GALNT8: variants seen among roughly 807,000 people sequenced by gnomAD.
GALNT8 encodes probable polypeptide N-acetylgalactosaminyltransferase 8.
GALNT8 carries 66 observed loss-of-function variants against 62.7 expected under a neutral mutation model. That is an observed-to-expected ratio of 1.05 (90% confidence interval 0.86 to 1.29). The LOEUF is 1.29. GALNT8 is among the 50% of genes most tolerant of loss of function. The pLI is 0.00. For missense variants in GALNT8, 771 were observed against 791.8 expected, an observed-to-expected ratio of 0.97 and a Z score of 0.32; for synonymous variants, 288 against 294.3, an observed-to-expected ratio of 0.98 and a Z score of 0.22.
At chr12:4,736,004 A>G (rs1452121469) in intron 2 of GALNT8, among the ~76,000 whole-genome samples, 1 of 152,206 alleles carries the variant, frequency 6.6e-6, no homozygotes, top group Non-Finnish European at 1.5e-5. Context: ...GCTCCATAAT[A>G]CTAGTAGCAA....
intron 5 of GALNT8, 107 bp from the exon 6 acceptor site, chr12:4,746,037 A>G (rs926837485): frequency 6.0e-6 from 4 of 667,446 alleles, no homozygotes; most frequent in Middle Eastern, 4.0e-4. Context: ...CTTCATGATA[A>G]GAACAGACTT....
intron 2 of GALNT8, among the ~76,000 whole-genome samples, chr12:4,736,583 AAGAAG>A (rs1352181109): frequency 4.1e-4 from 63 of 151,878 alleles, no homozygotes; most frequent in African/African-American, 1.5e-3. Flanking sequence ...AGAGAAAAAC[AAGAAG>A]AGAAAAGAAA....
intron 2 of GALNT8, among the ~76,000 whole-genome samples, chr12:4,731,896 G>A (rs4766284): frequency 0.78 from 119,152 of 152,036 alleles, 47,067 homozygotes; most frequent in Non-Finnish European, 0.82. Flanking sequence ...AGGACCACCT[G>A]CACAATTTGC....
Position 4,765,530 on chromosome 12 carries a change from A to G in GALNT8, c.1745A>G (p.Tyr582Cys), listed in dbSNP as rs924103907. 6 of 1,600,432 alleles carry G rather than the reference A, an allele frequency of 3.7e-6. No homozygotes were observed. Among genetic ancestry groups the G allele is most frequent in the Non-Finnish European group, 5.1e-6 (6 of 1,176,272 alleles). The change falls in exon 10 of 11, where the codon TAT becomes TGT. Residue 582 changes from tyrosine (Y) to cysteine (C), a missense_variant. Transcript: ENST00000252318. ...SKAAKNRLHI[Y>C]WDFKPGGAVI... ...GCAGCTAAGAATAGACTGCATATAT[A>G]TTGGGATTTTAAACCGGTGAGTTAT...
chr12:4,720,459 G>T lies in GALNT8; in HGVS notation c.-219G>T, dbSNP rs764646119. On this transcript the variant is annotated 5_prime_UTR_variant, in exon 1 of 11. Coordinates refer to ENST00000252318, the MANE Select transcript of GALNT8 (RefSeq NM_017417.2). ...AGCAACCTGTGGAAAGCCGCTGAGCGGTTATCCTCTCGGGGCATAAAGACA... is the reference window on the plus strand; with the variant it reads ...AGCAACCTGTGGAAAGCCGCTGAGCTGTTATCCTCTCGGGGCATAAAGACA... 6 of 554,852 alleles carry T rather than the reference G, an allele frequency of 1.1e-5. No homozygotes were observed. Among genetic ancestry groups the T allele is most frequent in the East Asian group, 9.0e-5 (3 of 33,310 alleles). 34.4% of individuals were successfully genotyped at this position (554,852 alleles called of 1,614,324 possible). A position where few individuals can be genotyped will look rare whatever the true frequency, so the allele number is the denominator to read the frequency against.
intron 2 of GALNT8, among the ~76,000 whole-genome samples, chr12:4,727,957 G>A (rs1358513380): frequency 1.3e-5 from 2 of 152,116 alleles, no homozygotes; most frequent in African/African-American, 4.8e-5. Flanking sequence ...TTTCCAAAGT[G>A]ACTCCATCAT....
At chr12:4,753,600 G>C (rs978960636) in intron 6 of GALNT8, among the ~76,000 whole-genome samples, 1 of 152,062 alleles carries the variant, frequency 6.6e-6, no homozygotes, top group Non-Finnish European at 1.5e-5. Flanking sequence ...GAATTTCTTT[G>C]AGTTTCCTCA....
chr12:4,763,886 T>TG (rs1946385284), intron 8 of GALNT8, 66 bp from the exon 9 acceptor site: 3 of 851,110 alleles, frequency 3.5e-6, no homozygotes, highest in Non-Finnish European at 2.1e-6. Flanking sequence ...ATGTAGGCCC[T>TG]GGGAGGGATG....
intron 10 of GALNT8, among the ~76,000 whole-genome samples, chr12:4,771,946 C>T (rs1171891671): frequency 3.3e-5 from 5 of 152,288 alleles, no homozygotes; most frequent in South Asian, 2.1e-4. Context: ...TAAACCTTAG[C>T]GAAGTCCCCT....
intron 2 of GALNT8, among the ~76,000 whole-genome samples, chr12:4,738,801 A>G (rs891014135): frequency 6.6e-6 from 1 of 152,138 alleles, no homozygotes; most frequent in Non-Finnish European, 1.5e-5. Context: ...GTCAAAGGTG[A>G]CTGGGGTCTG....
chr12:4,768,668 T>C (rs1334987138), intron 10 of GALNT8, among the ~76,000 whole-genome samples: 2 of 152,192 alleles, frequency 1.3e-5, no homozygotes, highest in African/African-American at 2.4e-5. Flanking sequence ...ACCACAAAAA[T>C]TGAAAAGGGA....
chr12:4,758,903 G>C (rs1295685007), intron 6 of GALNT8, among the ~76,000 whole-genome samples: 1 of 151,840 alleles, frequency 6.6e-6, no homozygotes, highest in Non-Finnish European at 1.5e-5. Context: ...CAGCTCCTGA[G>C]TAGCTGGAAT....
intron 6 of GALNT8, among the ~76,000 whole-genome samples, chr12:4,752,058 T>C (rs544983234): frequency 1.3e-5 from 2 of 152,278 alleles, no homozygotes; most frequent in East Asian, 1.9e-4. Flanking sequence ...TTGCCTGATA[T>C]AAATATAGCT....
chr12:4,739,721 G>A (rs1156773239), intron 3 of GALNT8, among the ~76,000 whole-genome samples: 1 of 150,382 alleles, frequency 6.6e-6, no homozygotes, highest in East Asian at 2.0e-4. Context: ...CTAGAGTGCA[G>A]TGGTGGGATC....
chr12:4,758,574 A>G (rs1380592951), intron 6 of GALNT8, among the ~76,000 whole-genome samples: 2 of 149,772 alleles, frequency 1.3e-5, no homozygotes, highest in Admixed American at 1.3e-4. Flanking sequence ...GGCACAAAGT[A>G]ATATATTATT....
At chr12:4,738,009 G>C (rs1946253346) in intron 2 of GALNT8, among the ~76,000 whole-genome samples, 1 of 152,172 alleles carries the variant, frequency 6.6e-6, no homozygotes, top group Non-Finnish European at 1.5e-5. Flanking sequence ...AACCTACCTG[G>C]GAGAAGGGGA....
intron 2 of GALNT8, among the ~76,000 whole-genome samples, chr12:4,735,041 A>G (rs1425617284): frequency 6.6e-6 from 1 of 152,202 alleles, no homozygotes; most frequent in African/African-American, 2.4e-5. Flanking sequence ...TCTGCTGGAA[A>G]AGTGGTTGCA....
At chr12:4,758,631 TGTGTGTGAGAGAGAGAGAGAGAGAGA>T (rs1176154781) in intron 6 of GALNT8, among the ~76,000 whole-genome samples, 2 of 93,070 alleles carry the variant, frequency 2.1e-5, no homozygotes, top group Admixed American at 1.1e-4. Context: ...TGTGTGTGTG[TGTGTGTGAGAGAGAGAGAGAGAGAGA>T]GAGAGAGAGA....
chr12:4,766,891 C>T (rs993630728), intron 10 of GALNT8, among the ~76,000 whole-genome samples: 8 of 151,668 alleles, frequency 5.3e-5, no homozygotes, highest in African/African-American at 1.7e-4. Flanking sequence ...ATACATATGA[C>T]CTATGTGCAA....
Sources: allele counts gnomAD v4.1 joint callset (sites outside exome capture counted in the v4.1 genomes callset), GRCh38; gene constraint gnomAD v4.1.1; transcripts MANE v1.5; gene names NCBI Gene and HGNC (gene_info 2026-07-23, HGNC 2026-07-21).